The following DSCAM variants were observed in gnomAD, a reference collection of about 807,000 sequenced individuals.
The protein encoded by DSCAM is DS cell adhesion molecule, also known as cell adhesion molecule DSCAM.
In DSCAM, 47 loss-of-function variants were observed where a neutral mutation model predicts 217.7. That is an observed-to-expected ratio of 0.22 (90% confidence interval 0.17 to 0.28). DSCAM has a LOEUF of 0.28. Among genes scored for constraint, DSCAM ranks in the 10% least tolerant of loss-of-function variants. The probability of loss-of-function intolerance (pLI) is 1.00; values close to 1 mark genes in which losing one functional copy is unlikely to be tolerated. For synonymous variants in DSCAM, 1,056 were observed against 1,015.3 expected (o/e 1.04, Z -0.76); for missense variants, 2,080 against 2,618.3 (o/e 0.79, Z 4.49).
chr21:40,523,539 C>A (rs969862961), intron 3 of DSCAM, among the ~76,000 whole-genome samples: 4 of 152,128 alleles, frequency 2.6e-5, no homozygotes, highest in African/African-American at 9.7e-5. Context: ...GGTGGCTGAG[C>A]GGCCCAACTC....
intron 11 of DSCAM, among the ~76,000 whole-genome samples, chr21:40,275,008 G>A (rs2073668073): frequency 6.6e-6 from 1 of 151,812 alleles, no homozygotes; most frequent in Admixed American, 6.6e-5. Flanking sequence ...ACTATCCATA[G>A]CAGAATTAAA....
chr21:40,496,097 T>A (rs963733876), intron 3 of DSCAM, among the ~76,000 whole-genome samples: 5 of 152,144 alleles, frequency 3.3e-5, no homozygotes, highest in African/African-American at 1.2e-4. Context: ...GATGTCCATA[T>A]TACCCAAAGT....
At chr21:40,193,004 G>A (rs1017489652) in intron 11 of DSCAM, among the ~76,000 whole-genome samples, 4 of 152,168 alleles carry the variant, frequency 2.6e-5, no homozygotes, top group African/African-American at 9.7e-5. Context: ...CTGCCACACT[G>A]TTTGACCAAG....
At chr21:40,670,550 A>AAAC (rs2090261572) in intron 3 of DSCAM, among the ~76,000 whole-genome samples, 2 of 151,422 alleles carry the variant, frequency 1.3e-5, no homozygotes, top group African/African-American at 2.4e-5. Flanking sequence ...AAAAAAAAAA[A>AAAC]GTGACTACTT....
chr21:40,560,689 G>A (rs2076713648), intron 3 of DSCAM, among the ~76,000 whole-genome samples: 1 of 152,158 alleles, frequency 6.6e-6, no homozygotes, highest in East Asian at 1.9e-4. Flanking sequence ...GCCTACAGTT[G>A]GGCAAAATCA....
At chr21:40,538,300 C>A (rs1031834446) in intron 3 of DSCAM, among the ~76,000 whole-genome samples, 1 of 151,832 alleles carries the variant, frequency 6.6e-6, no homozygotes, top group African/African-American at 2.4e-5. Context: ...AAGCTAACCC[C>A]GTGCACAGCA....
chr21:40,809,598 C>A (rs2123535965), intron 1 of DSCAM, among the ~76,000 whole-genome samples: 1 of 152,296 alleles, frequency 6.6e-6, no homozygotes, highest in South Asian at 2.1e-4. Flanking sequence ...AAACTGTCAG[C>A]CTAGACCCTG....
chr21:40,331,683 C>T (rs1379756489), intron 8 of DSCAM, among the ~76,000 whole-genome samples: 1 of 152,082 alleles, frequency 6.6e-6, no homozygotes, highest in Admixed American at 6.5e-5. Context: ...TAAAAAAATG[C>T]TGGTACATTA....
At chr21:40,369,663 T>C (rs2074874625) in intron 3 of DSCAM, among the ~76,000 whole-genome samples, 1 of 152,168 alleles carries the variant, frequency 6.6e-6, no homozygotes, top group Non-Finnish European at 1.5e-5. Flanking sequence ...TAACTTTTTG[T>C]TGCACATCTC....
intron 3 of DSCAM, among the ~76,000 whole-genome samples, chr21:40,566,759 G>A (rs1035777913): frequency 2.0e-5 from 3 of 151,988 alleles, no homozygotes; most frequent in African/African-American, 4.8e-5. Flanking sequence ...CACCACTACT[G>A]CTATTGCCAG....
At chr21:40,465,579 C>T (rs1186403095) in intron 3 of DSCAM, among the ~76,000 whole-genome samples, 1 of 152,160 alleles carries the variant, frequency 6.6e-6, no homozygotes, top group African/African-American at 2.4e-5. Flanking sequence ...GGCGTGCAGG[C>T]CACCCGCGGC....
At chr21:40,645,739 T>TA (rs1422582689) in intron 3 of DSCAM, among the ~76,000 whole-genome samples, 2 of 152,148 alleles carry the variant, frequency 1.3e-5, no homozygotes, top group East Asian at 3.9e-4. Flanking sequence ...GTCATGGGTC[T>TA]AAAAAATCAA....
chr21:40,109,045 ACT>A (rs2089860423), intron 20 of DSCAM, among the ~76,000 whole-genome samples: 1 of 152,102 alleles, frequency 6.6e-6, no homozygotes, highest in Non-Finnish European at 1.5e-5. Flanking sequence ...AGCTAAAAAC[ACT>A]CTGGAAGACA....
intron 28 of DSCAM, 61 bp from the exon 29 acceptor site, chr21:40,055,901 A>G (rs2089011465): frequency 8.1e-7 from 1 of 1,236,608 alleles, no homozygotes; most frequent in Non-Finnish European, 1.2e-6. Flanking sequence ...TTCTACCAAC[A>G]TGCACCTGTA....
intron 3 of DSCAM, among the ~76,000 whole-genome samples, chr21:40,403,629 GCA>G (rs3069908): frequency 0.39 from 56,600 of 145,632 alleles, 13,046 homozygotes; most frequent in Non-Finnish European, 0.52. Flanking sequence ...GCATGCATGT[GCA>G]CACACACACA....
At chr21:40,657,820 G>T (rs750072761) in intron 3 of DSCAM, among the ~76,000 whole-genome samples, 1 of 152,144 alleles carries the variant, frequency 6.6e-6, no homozygotes, top group East Asian at 1.9e-4. Flanking sequence ...AGTACCTGAG[G>T]GTGGGGGAGG....
chr21:40,461,306 T>C (rs1601661237), intron 3 of DSCAM, among the ~76,000 whole-genome samples: 1 of 152,146 alleles, frequency 6.6e-6, no homozygotes, highest in Admixed American at 6.6e-5. Flanking sequence ...CTTAATACAA[T>C]TGCAAAAGAT....
chr21:40,092,179 C>G (rs1254439641), intron 21 of DSCAM, among the ~76,000 whole-genome samples: 1 of 152,148 alleles, frequency 6.6e-6, no homozygotes, highest in East Asian at 1.9e-4. Context: ...AACCTCTCAT[C>G]AAACCCTCCA....
chr21:40,124,788 G>C (rs2090077073), intron 19 of DSCAM, among the ~76,000 whole-genome samples: 1 of 152,122 alleles, frequency 6.6e-6, no homozygotes, highest in African/African-American at 2.4e-5. Flanking sequence ...AGAACTCAGA[G>C]ACAGCAAATA....
Sources: allele counts gnomAD v4.1 joint callset (sites outside exome capture counted in the v4.1 genomes callset), GRCh38; gene constraint gnomAD v4.1.1; transcripts MANE v1.5; gene names NCBI Gene and HGNC (gene_info 2026-07-23, HGNC 2026-07-21).